ACVR1B: variants seen among roughly 807,000 people sequenced by gnomAD.
ACVR1B encodes activin receptor type-1B.
ACVR1B carries 15 observed loss-of-function variants against 55.6 expected under a neutral mutation model. That is an observed-to-expected ratio of 0.27 (90% CI 0.18 to 0.42). The LOEUF (loss-of-function observed/expected upper bound fraction) is 0.42. ACVR1B is among the 10% of genes least tolerant of loss of function. The pLI, the probability that ACVR1B is intolerant of heterozygous loss-of-function variation, is 1.00. For synonymous variants in ACVR1B, 247 were observed against 254.6 expected, an observed-to-expected ratio of 0.97 and a Z score of 0.28; for missense variants, 359 against 670.1, an observed-to-expected ratio of 0.54 and a Z score of 5.13.
chr12:51,965,140 T>G (rs963434874), intron 1 of ACVR1B, among the ~76,000 whole-genome samples: 2 of 152,200 alleles, frequency 1.3e-5, no homozygotes, highest in Non-Finnish European at 2.9e-5. Flanking sequence ...AGTATCAATT[T>G]GCAAAAAGAA....
intron 1 of ACVR1B, among the ~76,000 whole-genome samples, chr12:51,964,096 C>T (rs1313880284): frequency 2.0e-5 from 3 of 152,118 alleles, no homozygotes; most frequent in South Asian, 2.1e-4. Context: ...TGTATATCTT[C>T]GGAGAAATGT....
intron 1 of ACVR1B, among the ~76,000 whole-genome samples, chr12:51,952,323 C>T (rs1006207189): frequency 1.3e-5 from 2 of 152,166 alleles, no homozygotes; most frequent in Non-Finnish European, 2.9e-5. Context: ...GTCCGCGCAC[C>T]TCAGACTGTA....
chr12:51,986,727 C>T (rs2120713695), intron 6 of ACVR1B, 91 bp from the exon 7 acceptor site: 1 of 1,508,766 alleles, frequency 6.6e-7, no homozygotes, highest in Non-Finnish European at 8.9e-7. Flanking sequence ...TGATACTCTT[C>T]CACATTCAGA....
chr12:51,965,924 G>A (rs1203122158), intron 1 of ACVR1B, among the ~76,000 whole-genome samples: 1 of 152,140 alleles, frequency 6.6e-6, no homozygotes, highest in African/African-American at 2.4e-5. Flanking sequence ...CTGGAAGAGG[G>A]AATACTTAGT....
At chr12:51,965,582 A>G (rs949190040) in intron 1 of ACVR1B, among the ~76,000 whole-genome samples, 16 of 152,188 alleles carry the variant, frequency 1.1e-4, no homozygotes, top group African/African-American at 3.9e-4. Flanking sequence ...GCTGCATCAA[A>G]GCACAATGGG....
intron 6 of ACVR1B, 93 bp from the exon 7 acceptor site, chr12:51,986,725 T>G (rs1258365374): frequency 6.6e-7 from 1 of 1,507,558 alleles, no homozygotes; most frequent in Non-Finnish European, 8.9e-7. Context: ...GGTGATACTC[T>G]TCCACATTCA....
rs1231748334 is a variant in ACVR1B at position 51,980,976 on chromosome 12, CCT to C, written c.591_592del (p.Phe198CysfsTer32). On this transcript the variant is annotated frameshift_variant, in exon 4 of 9. Coordinates refer to ENST00000257963, the MANE Select transcript of ACVR1B (RefSeq NM_004302.5). LOFTEE classifies it high-confidence loss of function. ...STSGSGSGLP[L>X]FVQRTVARTI... is the part of the protein sequence containing the mutation. ...CTATTCTTTGGTTCACAGGGTTACCCCTCTTTGTCCAGCGCACAGTGGCCCGA... is the reference window on the plus strand; with the variant it reads ...CTATTCTTTGGTTCACAGGGTTACCCCTTTGTCCAGCGCACAGTGGCCCGA... The C allele has an allele frequency of 6.2e-7, 1 of 1,605,024 alleles. No individual in the cohort carries two copies. The highest frequency in any genetic ancestry group is 1.7e-5 in the Admixed American group (1 of 59,198).
At chr12:51,993,860 C>T (rs893619152) in intron 8 of ACVR1B, 125 bp from the exon 9 acceptor site, 21 of 1,152,008 alleles carry the variant, frequency 1.8e-5, no homozygotes, top group Admixed American at 1.2e-4. Flanking sequence ...GGTCGGCCGC[C>T]GGGTGGATGT....
intron 7 of ACVR1B, among the ~76,000 whole-genome samples, chr12:51,991,602 G>A (rs933799982): frequency 4.6e-5 from 7 of 152,126 alleles, no homozygotes; most frequent in Admixed American, 1.3e-4. Context: ...GGGTTTTACC[G>A]TGTTGGCGGG....
At chr12:51,954,327 C>G (rs978660956) in intron 1 of ACVR1B, among the ~76,000 whole-genome samples, 1 of 152,160 alleles carries the variant, frequency 6.6e-6, no homozygotes, top group African/African-American at 2.4e-5. Flanking sequence ...GTTTTAAGGC[C>G]TGGCTTTGGA....
chr12:51,974,470 C>T (rs1219632308), intron 1 of ACVR1B, among the ~76,000 whole-genome samples: 2 of 152,038 alleles, frequency 1.3e-5, no homozygotes, highest in Non-Finnish European at 2.9e-5. Context: ...TCATTAATCC[C>T]AGAGGTGATT....
chr12:51,979,173 A>G (rs1025733490), intron 3 of ACVR1B, among the ~76,000 whole-genome samples: 3 of 149,272 alleles, frequency 2.0e-5, no homozygotes, highest in Non-Finnish European at 4.5e-5. Flanking sequence ...CAAAAAAAAA[A>G]AAAAAAAAAA....
Position 51,975,483 on chromosome 12 carries a change from A to G in ACVR1B, c.310A>G (p.Ile104Val). The G allele has an allele frequency of 1.2e-6, 2 of 1,614,160 alleles. No individual in the cohort carries two copies. Among genetic ancestry groups the G allele is most frequent in the Non-Finnish European group, 1.7e-6 (2 of 1,179,974 alleles). The stretch of plus-strand genomic sequence containing the variant: ...CTGCTACACTGACTACTGCAACAGG[A>G]TCGACTTGAGGGTGCCCAGTGGTGA... ...HCCYTDYCNR[I>V]DLRVPSGHLK... is the part of the protein sequence containing the mutation. Residue 104 changes from isoleucine to valine, a missense_variant, in exon 2 of 9, where the codon ATC (isoleucine) becomes GTC (valine). Around this residue, in one of 5 missense-constraint regions of ACVR1B, gnomAD observed 133 missense variants for 188.2 expected, o/e 0.71. Coordinates refer to ENST00000257963, the MANE Select transcript of ACVR1B (RefSeq NM_004302.5).
chr12:51,951,949 C>A, intron 1 of ACVR1B, 115 bp downstream of exon 1: 2 of 546,914 alleles, frequency 3.7e-6, no homozygotes, highest in South Asian at 9.1e-5. Flanking sequence ...ACAATATGGC[C>A]GGGTGGGGGG....
intron 1 of ACVR1B, among the ~76,000 whole-genome samples, chr12:51,958,858 C>T (rs530000193): frequency 6.6e-5 from 10 of 152,252 alleles, no homozygotes; most frequent in South Asian, 2.1e-4. Flanking sequence ...CCTAACAGGC[C>T]GTGGACCAGT....
chr12:51,972,781 G>T (rs185824984), intron 1 of ACVR1B, among the ~76,000 whole-genome samples: 1 of 152,216 alleles, frequency 6.6e-6, no homozygotes, highest in Non-Finnish European at 1.5e-5. Context: ...ATCTTTTTCA[G>T]ACTTCTCACT....
At chr12:51,990,146 T>C (rs944068187) in intron 7 of ACVR1B, among the ~76,000 whole-genome samples, 1 of 151,160 alleles carries the variant, frequency 6.6e-6, no homozygotes, top group Non-Finnish European at 1.5e-5. Context: ...ATACAAAAAT[T>C]AGCCGGGCAT....
In ACVR1B at chr12:51,976,698, T is replaced by C. The variant is rs542325470; in HGVS notation, c.580+123T>C. 7.4e-4 allele frequency: 930 copies of C among 1,262,420 alleles called. 1 individual carries two copies. Among genetic ancestry groups the C allele is most frequent in the Middle Eastern group, 2.0e-3 (7 of 3,564 alleles). 78.2% of individuals were successfully genotyped at this position (1,262,420 alleles called of 1,614,324 possible). A position where few individuals can be genotyped will look rare whatever the true frequency, so the allele number is the denominator to read the frequency against. ...TTTCTACCAGCATTGAGTCATTTGG[T>C]TTCCTAGTTCCCCTTCTTTTGGAGT... On this transcript the variant is annotated intron_variant, in intron 3 of 8. Coordinates refer to ENST00000257963, the MANE Select transcript of ACVR1B (RefSeq NM_004302.5).
At chr12:51,973,579 G>A (rs1941788768) in intron 1 of ACVR1B, among the ~76,000 whole-genome samples, 1 of 152,204 alleles carries the variant, frequency 6.6e-6, no homozygotes. Context: ...CGATTCCTTA[G>A]TCTTTTTTGT....
Sources: gnomAD v4.1 joint callset for allele counts (sites outside exome capture counted in the v4.1 genomes callset) on GRCh38, gnomAD v4.1.1 for gene constraint, gnomAD v4.1.1 regional missense constraint, MANE v1.5 for transcripts, NCBI Gene and HGNC (gene_info 2026-07-23, HGNC 2026-07-21) for gene names.